The following NFKBIB variants were observed in gnomAD, a reference collection of about 807,000 sequenced individuals.
NFKBIB encodes the protein NF-kappa-B inhibitor beta.
A neutral mutation model predicts 32.1 loss-of-function variants in NFKBIB; 16 were observed. The observed-to-expected ratio is 0.50, with a 90% CI of 0.34 to 0.76. NFKBIB has a LOEUF of 0.76. Among genes scored for constraint, NFKBIB ranks in the 30% least tolerant of loss-of-function variants. NFKBIB has a pLI of 0.01. For missense variants in NFKBIB, 437 were observed against 514.9 expected, an observed-to-expected ratio of 0.85 and a Z score of 1.46; for synonymous variants, 222 against 219.5, an observed-to-expected ratio of 1.01 and a Z score of -0.10.
At chr19:38,906,529 G>T (rs1974127211) in intron 3 of NFKBIB, among the ~76,000 whole-genome samples, 1 of 143,676 alleles carries the variant, frequency 7.0e-6, no homozygotes, top group Non-Finnish European at 1.5e-5. Context: ...GAGTGCAGTG[G>T]CGCCATCTCA....
intron 1 of NFKBIB, among the ~76,000 whole-genome samples, chr19:38,904,406 T>TG (rs968135493): frequency 2.1e-4 from 32 of 152,314 alleles, no homozygotes; most frequent in African/African-American, 7.5e-4. Flanking sequence ...CTCACAGGCA[T>TG]GGCTGATCCG....
In NFKBIB at chr19:38,905,228, G is replaced by A; in HGVS notation, c.312G>A (p.Leu104=). 1 of 1,589,974 alleles carries A rather than the reference G, an allele frequency of 6.3e-7. No homozygotes were observed. Among genetic ancestry groups the A allele is most frequent in the Non-Finnish European group, 8.6e-7 (1 of 1,168,108 alleles). Reference sequence around the variant, plus strand: ...CAGCCCTGCACCTGGCAGCCATCCTGGGGGAGACATCCACGGTGGAGAAGC... The same window carrying A: ...CAGCCCTGCACCTGGCAGCCATCCTAGGGGAGACATCCACGGTGGAGAAGC... The part of the protein sequence containing the change: ...GQTALHLAAI[L]GETSTVEKLY... The change falls in exon 3 of 6, where the codon CTG becomes CTA. Residue 104 remains leucine (L), a synonymous_variant. Transcript: ENST00000313582. The surrounding 1 kb of genome is among the most constrained non-coding windows in gnomAD (Gnocchi z 5.5).
chr19:38,907,133 C>T (rs1474716215), intron 3 of NFKBIB, 88 bp from the exon 4 acceptor site: 23 of 1,229,896 alleles, frequency 1.9e-5, no homozygotes, highest in South Asian at 8.1e-5. Flanking sequence ...ATCACCCTCA[C>T]GCCACATGAC....
intron 3 of NFKBIB, among the ~76,000 whole-genome samples, chr19:38,906,424 C>T (rs1361824040): frequency 1.3e-5 from 2 of 150,134 alleles, no homozygotes; most frequent in Non-Finnish European, 2.9e-5. Context: ...GCTGGGATTA[C>T]AGGTGTGAGC....
intron 3 of NFKBIB, among the ~76,000 whole-genome samples, chr19:38,906,572 C>T (rs1486824289): frequency 6.7e-6 from 1 of 148,262 alleles, no homozygotes; most frequent in Non-Finnish European, 1.5e-5. Flanking sequence ...TGGGTTCACA[C>T]CATTCTCCTG....
intron 1 of NFKBIB, 134 bp downstream of exon 1, chr19:38,900,345 C>A: frequency 1.0e-6 from 1 of 953,042 alleles, no homozygotes; most frequent in Non-Finnish European, 1.5e-6. Context: ...TGACCTCTAA[C>A]CCCCGAGTCC....
intron 3 of NFKBIB, among the ~76,000 whole-genome samples, chr19:38,906,710 C>A (rs750556374): frequency 3.6e-4 from 54 of 151,906 alleles, no homozygotes; most frequent in Non-Finnish European, 5.7e-4. Context: ...ACCTCGTGAT[C>A]CACCCGCCTC....
At chr19:38,908,178 G>A (rs941773129) in intron 5 of NFKBIB, 178 of 994,278 alleles carry the variant, frequency 1.8e-4, no homozygotes, top group Middle Eastern at 5.1e-4. Context: ...GGGTGGAGGA[G>A]GGCCAGCTCA....
At position 38,905,472 on chromosome 19, in the gene NFKBIB, G is replaced by C; in HGVS notation, c.556G>C (p.Glu186Gln). ...CGCCTTGTACCCCGATTCCGACTTG[G>C]AGAAGGAAGAAGAGGAGAGTGAGGA... ...PVALYPDSDL[E>Q]KEEEESEEDW... Residue 186 changes from glutamate to glutamine, a missense_variant, in exon 3 of 6, where the codon GAG becomes CAG. Transcript: ENST00000313582. The surrounding 1 kb of genome is among the most constrained non-coding windows in gnomAD (Gnocchi z 5.5). 1 of 1,613,986 alleles carries C rather than the reference G, an allele frequency of 6.2e-7. No individual in the cohort carries two copies.
chr19:38,900,113 C>T lies in NFKBIB; in HGVS notation c.81C>T (p.Asp27=), dbSNP rs1464032833. 1 of 1,575,044 alleles carries T rather than the reference C, an allele frequency of 6.3e-7. No homozygotes were observed. The highest frequency in any genetic ancestry group is 8.6e-7 in the Non-Finnish European group (1 of 1,165,482). Residue 27 remains aspartate, a synonymous_variant, in exon 1 of 6, where the codon GAC becomes GAT. Coordinates refer to ENST00000313582, the MANE Select transcript of NFKBIB (RefSeq NM_002503.5). ...CDSGLGSLGP[D]AAAPGGPGLG... ...GCGGCCTGGGCTCCCTGGGTCCGGACGCAGCGGCCCCCGGAGGACCTGGGT... is the reference window on the plus strand; with the variant it reads ...GCGGCCTGGGCTCCCTGGGTCCGGATGCAGCGGCCCCCGGAGGACCTGGGT...
intron 5 of NFKBIB, chr19:38,908,495 C>T (rs1441972226): frequency 1.1e-5 from 13 of 1,190,064 alleles, no homozygotes; most frequent in African/African-American, 3.3e-5. Context: ...ACCTAGATCA[C>T]GCCACTGCAT....
intron 3 of NFKBIB, among the ~76,000 whole-genome samples, chr19:38,906,033 G>C (rs1974106248): frequency 6.6e-6 from 1 of 151,500 alleles, no homozygotes; most frequent in African/African-American, 2.4e-5. Flanking sequence ...AGCCACCTGA[G>C]ACCAGACCCC....
At chr19:38,906,906 TC>T (rs1456304567) in intron 3 of NFKBIB, among the ~76,000 whole-genome samples, 1 of 151,970 alleles carries the variant, frequency 6.6e-6, no homozygotes, top group Non-Finnish European at 1.5e-5. Flanking sequence ...CCAGCTCAGG[TC>T]CTTTGAGTGA....
At chr19:38,906,581 T>C (rs1974129668) in intron 3 of NFKBIB, among the ~76,000 whole-genome samples, 1 of 149,298 alleles carries the variant, frequency 6.7e-6, no homozygotes, top group Admixed American at 6.7e-5. Context: ...ACCATTCTCC[T>C]GCCTCAGCCT....
Position 38,907,518 on chromosome 19 carries a change from C to T in NFKBIB, c.828C>T (p.Thr276=). The T allele has an allele frequency of 3.1e-6, 5 of 1,612,668 alleles. No homozygotes were observed. The highest frequency in any genetic ancestry group is 4.2e-6 in the Non-Finnish European group (5 of 1,179,782). Residue 276 remains threonine, a synonymous_variant, in exon 5 of 6, where the codon ACC becomes ACT. Coordinates refer to ENST00000313582, the MANE Select transcript of NFKBIB (RefSeq NM_002503.5). ...CTGCCCGCATGTACGGTGGCCGCAC[C>T]CCACTCGGCAGTGCCATGCTCCGGC... ...NPAARMYGGR[T]PLGSAMLRPN...
At chr19:38,906,069 G>A (rs1457651720) in intron 3 of NFKBIB, among the ~76,000 whole-genome samples, 1 of 151,208 alleles carries the variant, frequency 6.6e-6, no homozygotes, top group Non-Finnish European at 1.5e-5. Flanking sequence ...ACGTCATTCA[G>A]GACCCAGTGT....
rs1292661592 is a variant in NFKBIB at position 38,907,384 on chromosome 19, G to A, written c.709-15G>A. ...CCTCTTCGGGCCCTCTGACCTTTCT[G>A]TTGCACCCCCACAGGAGCCCACGTG... On this transcript the variant is annotated splice_polypyrimidine_tract_variant and intron_variant, in intron 4 of 5. Transcript: ENST00000313582. The A allele has an allele frequency of 1.9e-6, 3 of 1,589,970 alleles. No individual in the cohort carries two copies.
At position 38,907,329 on chromosome 19, in the gene NFKBIB, A is replaced by T; in HGVS notation, c.708+20A>T. 6.2e-7 allele frequency: 1 copy of T among 1,608,356 alleles called. No individual in the cohort carries two copies. Among genetic ancestry groups the T allele is most frequent in the Non-Finnish European group, 8.5e-7 (1 of 1,175,680 alleles). On this transcript the variant is annotated intron_variant, in intron 4 of 5. Transcript: ENST00000313582. ...AAACCGGTGAGCCCCAACCTCGGGG[A>T]AGATGCCGTCGGCGGGAGGGGGCTT...
rs1429670134 is a variant in NFKBIB, at chr19:38,905,300, C to T, written c.384C>T (p.His128=). The T allele has an allele frequency of 1.2e-6, 2 of 1,606,646 alleles. No individual in the cohort carries two copies. The highest frequency in any genetic ancestry group is 1.7e-6 in the Non-Finnish European group (2 of 1,177,562). Residue 128 remains histidine (H), a synonymous_variant, in exon 3 of 6, where the codon CAC becomes CAT. Transcript: ENST00000313582. This position sits in a 1 kb window ranked among gnomAD's most constrained non-coding sequence, Gnocchi z 5.5. The part of the protein sequence containing the change: ...AGLCVAERRG[H]TALHLACRVG... ...TGTGTGTGGCGGAGCGTAGGGGCCACACGGCGCTGCACCTGGCCTGCCGTG... is the reference window on the plus strand; with the variant it reads ...TGTGTGTGGCGGAGCGTAGGGGCCATACGGCGCTGCACCTGGCCTGCCGTG...
Sources: gnomAD v4.1 joint callset for allele counts (sites outside exome capture counted in the v4.1 genomes callset) on GRCh38, gnomAD v4.1.1 for gene constraint, Gnocchi (gnomAD v3.1) non-coding constraint, MANE v1.5 for transcripts, NCBI Gene and HGNC (gene_info 2026-07-23, HGNC 2026-07-21) for gene names.